KALRN: variants seen among roughly 807,000 people sequenced by gnomAD.
KALRN encodes the protein kalirin.
In KALRN, 70 loss-of-function variants were observed where a neutral mutation model predicts 353.7. That is an observed-to-expected ratio of 0.20 (90% CI 0.16 to 0.24). KALRN has a LOEUF of 0.24. KALRN is among the 10% of genes least tolerant of loss of function. The pLI, the probability that KALRN is intolerant of heterozygous loss-of-function variation, is 1.00. For missense variants in KALRN, 2,791 were observed against 3,756.7 expected, an observed-to-expected ratio of 0.74 and a Z score of 6.72; for synonymous variants, 1,391 against 1,434.8, an observed-to-expected ratio of 0.97 and a Z score of 0.69.
At chr3:124,439,135 C>G (rs917997730) in intron 18 of KALRN, 98 bp downstream of exon 18, 1 of 1,250,002 alleles carries the variant, frequency 8.0e-7, no homozygotes, top group Non-Finnish European at 1.1e-6. Context: ...TTCTCTTTCT[C>G]TCTCTTTCTC....
intron 34 of KALRN, among the ~76,000 whole-genome samples, chr3:124,576,270 C>T (rs573781473): frequency 3.9e-5 from 6 of 152,186 alleles, no homozygotes; most frequent in South Asian, 2.1e-4. Context: ...ATCCCCCCTA[C>T]CAATACAGGG....
In KALRN at chr3:124,442,584, T is replaced by C. The variant is rs887913938; in HGVS notation, c.3313+525T>C. ...ACTGATTGATTAAGCCTTTTAAAACTTTAGTTTCTTATTTAAAATGAGGGG... is the reference window on the plus strand; with the variant it reads ...ACTGATTGATTAAGCCTTTTAAAACCTTAGTTTCTTATTTAAAATGAGGGG... On this transcript the variant is annotated intron_variant, in intron 19 of 59. Coordinates refer to ENST00000682506, the MANE Select transcript of KALRN (RefSeq NM_001388419.1). Among the ~76,000 whole-genome samples, 9 of 152,282 alleles carry C rather than the reference T, an allele frequency of 5.9e-5. No individual in the cohort carries two copies. The South Asian group carries it at 1.9e-3, about 32-fold the overall frequency.
chr3:124,067,528 A>G (rs1383785282), intron 1 of KALRN, among the ~76,000 whole-genome samples: 1 of 152,202 alleles, frequency 6.6e-6, no homozygotes, highest in Non-Finnish European at 1.5e-5. Flanking sequence ...CAAACAAAAA[A>G]AAACCACAAG....
At chr3:124,099,555 C>CTTT (rs1335437157) in intron 1 of KALRN, among the ~76,000 whole-genome samples, 1 of 152,126 alleles carries the variant, frequency 6.6e-6, no homozygotes. Context: ...TGATTGATCT[C>CTTT]TTTTCTTTTG....
intron 38 of KALRN, 23 bp from the exon 39 acceptor site, chr3:124,655,578 A>G (rs751774211): frequency 6.2e-7 from 1 of 1,600,868 alleles, no homozygotes; most frequent in Non-Finnish European, 8.6e-7. Context: ...AGGAACACTC[A>G]CTGTTCTTAA....
rs116502830 is a variant in KALRN, at chr3:124,447,356, G to A, written c.3552+471G>A. 7.4e-3 allele frequency among the ~76,000 whole-genome samples: 1,130 copies of A among 152,230 alleles called. 6 individuals carry two copies. The highest frequency in any genetic ancestry group is 0.01 in the Non-Finnish European group (694 of 68,010). Reference sequence around the variant, plus strand: ...TCCTTTTCTGAGCTATTTCCATCTGGCCTCAAACCCGCTCATGAGCTAGGC... The same window carrying A: ...TCCTTTTCTGAGCTATTTCCATCTGACCTCAAACCCGCTCATGAGCTAGGC... On this transcript the variant is annotated intron_variant, in intron 21 of 59. Coordinates refer to ENST00000682506, the MANE Select transcript of KALRN (RefSeq NM_001388419.1).
chr3:124,572,256 T>G (rs1578072014), intron 34 of KALRN, among the ~76,000 whole-genome samples: 1 of 148,828 alleles, frequency 6.7e-6, no homozygotes, highest in African/African-American at 2.5e-5. Context: ...GGAAGGGAGG[T>G]GGAGGTTGCA....
Position 124,657,772 on chromosome 3 carries a change from A to C in KALRN, c.6005A>C (p.Gln2002Pro). The change falls in exon 41 of 60, where the codon CAA becomes CCA. Residue 2002 changes from glutamine (Q) to proline (P), a missense_variant. Physicochemically the swap from Gln to Pro is moderately conservative, Grantham distance 76. Coordinates refer to ENST00000682506, the MANE Select transcript of KALRN (RefSeq NM_001388419.1). ...GAACTGGAAAAGTGTATCCAGGAGC[A>C]AGACAGATTGGCACAGCTCTTTATT... is the stretch of plus-strand genomic sequence containing the variant. ...LAELEKCIQE[Q>P]DRLAQLFIKH... 1 of 1,613,906 alleles carries C rather than the reference A, an allele frequency of 6.2e-7. No individual in the cohort carries two copies. The highest frequency in any genetic ancestry group is 8.5e-7 in the Non-Finnish European group (1 of 1,179,770).
At chr3:124,054,097 T>G (rs749643134) in intron 1 of KALRN, among the ~76,000 whole-genome samples, 1 of 152,198 alleles carries the variant, frequency 6.6e-6, no homozygotes, top group Non-Finnish European at 1.5e-5. Flanking sequence ...CCAATATGCT[T>G]TGTGACTGTT....
chr3:124,560,689 C>T (rs2071879180), intron 33 of KALRN, among the ~76,000 whole-genome samples: 1 of 152,036 alleles, frequency 6.6e-6, no homozygotes. Flanking sequence ...CATGTCGCTA[C>T]AAAAATAAAA....
intron 1 of KALRN, among the ~76,000 whole-genome samples, chr3:124,145,051 G>A (rs1205951572): frequency 6.6e-5 from 10 of 152,106 alleles, no homozygotes; most frequent in Admixed American, 1.3e-4. Flanking sequence ...GTGTTTGAGG[G>A]GAGGAGCAAG....
intron 1 of KALRN, among the ~76,000 whole-genome samples, chr3:124,106,777 A>G (rs1038634548): frequency 6.6e-6 from 1 of 152,154 alleles, no homozygotes; most frequent in Non-Finnish European, 1.5e-5. Context: ...AAAAACTCCA[A>G]ATTGAGACCT....
Position 124,228,025 on chromosome 3 carries a change from G to C in KALRN, c.109G>C (p.Val37Leu). The C allele has an allele frequency of 6.2e-7, 1 of 1,614,056 alleles. No individual in the cohort carries two copies. The change falls in exon 2 of 60, where the codon GTC (valine) becomes CTC (leucine). Residue 37 changes from valine to leucine, a missense_variant. Coordinates refer to ENST00000682506, the MANE Select transcript of KALRN (RefSeq NM_001388419.1). ...FRNDGLKASD[V>L]LPILKEKVAF... is the part of the protein sequence containing the mutation. The stretch of plus-strand genomic sequence containing the variant: ...GAATGATGGTTTGAAAGCTTCTGAT[G>C]TCCTTCCTATCCTAAAGGAAAAGGT...
intron 9 of KALRN, among the ~76,000 whole-genome samples, chr3:124,342,184 A>G (rs1043612660): frequency 3.1e-5 from 4 of 129,002 alleles, no homozygotes; most frequent in Non-Finnish European, 4.8e-5. Context: ...ATTTTTGTAT[A>G]AATATACGGA....
At chr3:124,443,126 C>T (rs890892005) in intron 19 of KALRN, among the ~76,000 whole-genome samples, 16 of 152,112 alleles carry the variant, frequency 1.1e-4, no homozygotes, top group African/African-American at 1.7e-4. Flanking sequence ...TTAATATCTC[C>T]GAATTCTAGA....
At chr3:124,309,596 AT>A (rs2078047547) in intron 6 of KALRN, among the ~76,000 whole-genome samples, 1 of 152,106 alleles carries the variant, frequency 6.6e-6, no homozygotes, top group Non-Finnish European at 1.5e-5. Context: ...CCAGCAACAT[AT>A]AGAAAGAATT....
intron 45 of KALRN, among the ~76,000 whole-genome samples, chr3:124,663,816 T>C (rs1440549489): frequency 6.6e-6 from 1 of 152,198 alleles, no homozygotes; most frequent in Admixed American, 6.5e-5. Flanking sequence ...CTCATACTCA[T>C]ACCACTGTAT....
rs181422520 is a variant in KALRN, at chr3:124,176,455, G to T, written c.74-51535G>T. 6.7e-4 allele frequency among the ~76,000 whole-genome samples: 102 copies of T among 152,258 alleles called. 1 individual carries two copies. Among genetic ancestry groups the T allele is most frequent in the African/African-American group, 1.8e-3 (75 of 41,542 alleles). On this transcript the variant is annotated intron_variant, in intron 1 of 59. Coordinates refer to ENST00000682506, the MANE Select transcript of KALRN (RefSeq NM_001388419.1). ...TGGTCTCAGTCCTCACCGTTGACTG[G>T]TGTGTACTCAGGGATTTTGACACTT... is the stretch of plus-strand genomic sequence containing the variant.
intron 4 of KALRN, among the ~76,000 whole-genome samples, chr3:124,268,436 T>G (rs773096867): frequency 6.6e-6 from 1 of 152,092 alleles, no homozygotes; most frequent in Non-Finnish European, 1.5e-5. Flanking sequence ...CTGAAGCCCT[T>G]TTGAAGTGAA....
Sources: allele counts gnomAD v4.1 joint callset (sites outside exome capture counted in the v4.1 genomes callset), GRCh38; gene constraint gnomAD v4.1.1; transcripts MANE v1.5; gene names NCBI Gene and HGNC (gene_info 2026-07-23, HGNC 2026-07-21).